Variants in UBXN2A observed in about 807,000 individuals in gnomAD.
UBXN2A encodes the protein UBX domain protein 2A, also known as UBX domain-containing protein 2A.
Under a neutral mutation model 28.4 loss-of-function variants are expected in UBXN2A, and 28 were observed. That is an observed-to-expected ratio of 0.99 (90% CI 0.73 to 1.35). The LOEUF is 1.35. Ranked by LOEUF, UBXN2A falls within the 40% of genes most tolerant of loss-of-function variation. The pLI is 0.00. For missense variants in UBXN2A, 253 were observed against 297.9 expected, an observed-to-expected ratio of 0.85 and a Z score of 1.11; for synonymous variants, 97 against 103.6, an observed-to-expected ratio of 0.94 and a Z score of 0.39.
rs1048063795 is a variant in UBXN2A, at chr2:23,998,365, ATAAG to A, written c.585-1305_585-1302del. The stretch of plus-strand genomic sequence containing the variant: ...TCTAGTCAGGAGAGACAGAAAATAA[ATAAG>A]TCATATAATATTTGAGAAGACACAT... On this transcript the variant is annotated intron_variant, in intron 6 of 6. Transcript: ENST00000309033. Among the ~76,000 whole-genome samples the A allele has an allele frequency of 3.8e-4, 58 of 152,368 alleles. 1 individual carries two copies. Among genetic ancestry groups the A allele is most frequent in the African/African-American group, 1.2e-3 (50 of 41,582 alleles).
chr2:23,964,035 G>C (rs1458370907), intron 2 of UBXN2A, among the ~76,000 whole-genome samples: 3 of 151,720 alleles, frequency 2.0e-5, no homozygotes, highest in South Asian at 4.2e-4. Context: ...AGGAGGCTGA[G>C]ACAGGAGGAT....
intron 1 of UBXN2A, among the ~76,000 whole-genome samples, chr2:23,949,116 CTTTTTTTTTT>C (rs1223944833): frequency 6.3e-5 from 8 of 127,092 alleles, no homozygotes; most frequent in South Asian, 2.7e-4. Context: ...ATTTTTTTTT[CTTTTTTTTTT>C]TTTTTTTGTA....
intron 2 of UBXN2A, among the ~76,000 whole-genome samples, chr2:23,967,024 C>G (rs900408198): frequency 6.6e-6 from 1 of 151,998 alleles, no homozygotes; most frequent in African/African-American, 2.4e-5. Context: ...TCCCAAAATG[C>G]TGGGATTACA....
intron 1 of UBXN2A, among the ~76,000 whole-genome samples, chr2:23,941,228 C>T (rs1192026017): frequency 6.6e-6 from 1 of 151,782 alleles, no homozygotes; most frequent in Admixed American, 6.6e-5. Context: ...TTCCTATGTA[C>T]GTAATTTGAG....
chr2:23,983,643 C>T (rs987985007), intron 5 of UBXN2A, among the ~76,000 whole-genome samples: 2 of 152,084 alleles, frequency 1.3e-5, no homozygotes, highest in Non-Finnish European at 2.9e-5. Context: ...TTGCACTCAC[C>T]ACTGTAGAGT....
At chr2:23,950,297 C>T (rs13009856) in intron 1 of UBXN2A, among the ~76,000 whole-genome samples, 68,575 of 151,746 alleles carry the variant, frequency 0.45, 16,364 homozygotes, top group East Asian at 0.78. Flanking sequence ...ATGCCTAGGA[C>T]GATGATTACA....
intron 1 of UBXN2A, among the ~76,000 whole-genome samples, chr2:23,952,170 TTGGCCAGGC>T (rs1235449645): frequency 6.6e-6 from 1 of 152,004 alleles, no homozygotes; most frequent in African/African-American, 2.4e-5. Flanking sequence ...TTTGACCATG[TTGGCCAGGC>T]TGGTCTCAAA....
intron 2 of UBXN2A, among the ~76,000 whole-genome samples, chr2:23,965,813 G>A (rs1707137136): frequency 6.6e-6 from 1 of 152,158 alleles, no homozygotes; most frequent in African/African-American, 2.4e-5. Flanking sequence ...ATGTTTGGTA[G>A]CATTCATCAG....
intron 4 of UBXN2A, among the ~76,000 whole-genome samples, chr2:23,980,955 C>T (rs1008457585): frequency 4.0e-4 from 61 of 151,944 alleles, no homozygotes; most frequent in Admixed American, 4.0e-3. Context: ...GTTTATTTGC[C>T]TTTTTGTTAA....
At chr2:23,966,396 A>T (rs1707165762) in intron 2 of UBXN2A, among the ~76,000 whole-genome samples, 1 of 151,462 alleles carries the variant, frequency 6.6e-6, no homozygotes, top group South Asian at 2.1e-4. Context: ...TGGCCTCCCA[A>T]AGTGCTAGGA....
chr2:23,958,433 A>T (rs942130710), intron 2 of UBXN2A, 78 bp downstream of exon 2: 15 of 1,356,034 alleles, frequency 1.1e-5, no homozygotes, highest in Middle Eastern at 3.7e-4. Context: ...TTTCACTTGC[A>T]GAGATAGTAG....
upstream of UBXN2A, among the ~76,000 whole-genome samples, chr2:23,938,918 T>C (rs925823): frequency 1 from 152,049 of 152,282 alleles, 75,908 homozygotes; most frequent in East Asian, 1. Flanking sequence ...CTTTGCCTAA[T>C]GGGATCAATT....
intron 4 of UBXN2A, among the ~76,000 whole-genome samples, chr2:23,978,086 C>T (rs1707748589): frequency 6.6e-6 from 1 of 152,070 alleles, no homozygotes; most frequent in Non-Finnish European, 1.5e-5. Context: ...CCTCTGCCTC[C>T]CAAATTGCTG....
intron 4 of UBXN2A, among the ~76,000 whole-genome samples, chr2:23,979,586 A>G (rs542084105): frequency 6.6e-6 from 1 of 152,112 alleles, no homozygotes; most frequent in East Asian, 1.9e-4. Context: ...TTGGCAACAT[A>G]GAGTTTTTTG....
intron 1 of UBXN2A, among the ~76,000 whole-genome samples, chr2:23,928,762 A>G (rs1439347427): frequency 6.6e-6 from 1 of 152,206 alleles, no homozygotes; most frequent in East Asian, 1.9e-4. Context: ...AAAAAACTGT[A>G]CAACACTGGA....
At position 23,983,149 on chromosome 2, in the gene UBXN2A, A is replaced by G. The variant is rs1438935552; in HGVS notation, c.425+116A>G. 5.7e-6 allele frequency: 7 copies of G among 1,217,544 alleles called. No homozygotes were observed. In the African/African-American group the frequency reaches 6.2e-5, roughly 11 times the overall value. The allele number at this position is 1,217,544 out of a possible 1,614,324, so 75.4% of individuals were successfully genotyped here. On this transcript the variant is annotated intron_variant, in intron 5 of 6. Transcript: ENST00000309033. ...GAGCTTATCATTTCTCCCATTGGAAATCAGATTTTTTTTAATGTTAATTTT... is the reference window on the plus strand; with the variant it reads ...GAGCTTATCATTTCTCCCATTGGAAGTCAGATTTTTTTTAATGTTAATTTT...
At chr2:23,928,190 GAAGA>G (rs1436471266) in intron 1 of UBXN2A, among the ~76,000 whole-genome samples, 2 of 135,032 alleles carry the variant, frequency 1.5e-5, no homozygotes, top group South Asian at 4.9e-4. Context: ...AAAAAAAAAA[GAAGA>G]AAGAGAGAGA....
At chr2:23,995,027 G>C (rs1708477212) in intron 6 of UBXN2A, among the ~76,000 whole-genome samples, 1 of 152,190 alleles carries the variant, frequency 6.6e-6, no homozygotes, top group African/African-American at 2.4e-5. Context: ...GGAGCTGCTA[G>C]AATCTCTCCT....
intron 6 of UBXN2A, among the ~76,000 whole-genome samples, chr2:23,995,011 C>T (rs1708476902): frequency 6.6e-6 from 1 of 152,208 alleles, no homozygotes; most frequent in Admixed American, 6.5e-5. Context: ...GTGTGCCCAG[C>T]ATTTTGGAGC....
Sources: gnomAD v4.1 joint callset for allele counts (sites outside exome capture counted in the v4.1 genomes callset) on GRCh38, gnomAD v4.1.1 for gene constraint, MANE v1.5 for transcripts, NCBI Gene and HGNC (gene_info 2026-07-23, HGNC 2026-07-21) for gene names.